PHLDB2: variants seen among roughly 807,000 people sequenced by gnomAD.
PHLDB2 encodes the protein pleckstrin homology like domain family B member 2, also known as pleckstrin homology-like domain family B member 2.
PHLDB2 carries 71 observed loss-of-function variants against 123.6 expected under a neutral mutation model. The observed-to-expected ratio is 0.57, with a 90% confidence interval of 0.47 to 0.70. The LOEUF (loss-of-function observed/expected upper bound fraction) is 0.70. PHLDB2 is among the 30% of genes least tolerant of loss of function. The pLI is 0.00. For missense variants in PHLDB2, 1,446 were observed against 1,519.5 expected (o/e 0.95, Z 0.80); for synonymous variants, 547 against 541.6 (o/e 1.01, Z -0.14).
At chr3:111,829,751 C>T (rs1027994249) in intron 1 of PHLDB2, among the ~76,000 whole-genome samples, 1 of 152,016 alleles carries the variant, frequency 6.6e-6, no homozygotes, top group Non-Finnish European at 1.5e-5. Context: ...CATGAGCCAC[C>T]GCGCCCGACC....
chr3:111,916,346 A>G (rs2068176633), intron 3 of PHLDB2: 1 of 152,168 alleles, frequency 6.6e-6, no homozygotes, highest in African/African-American at 2.4e-5. Flanking sequence ...TTTACTTATT[A>G]CTTTCTGAAG....
chr3:111,923,228 G>A (rs140281282), intron 5 of PHLDB2, among the ~76,000 whole-genome samples: 3 of 152,260 alleles, frequency 2.0e-5, no homozygotes, highest in African/African-American at 7.2e-5. Context: ...AAAGACCTCA[G>A]TGGTGCCCAG....
rs530619387 is a variant in PHLDB2, at chr3:111,755,747, G to A, written c.-49+23044G>A. Among the ~76,000 whole-genome samples, 6 of 134,968 alleles carry A rather than the reference G, an allele frequency of 4.4e-5. No homozygotes were observed. The South Asian group carries it at 1.2e-3, about 27-fold the overall frequency. The allele number at this position is 134,968 out of a possible 152,430, so 88.5% of individuals were successfully genotyped here. A position where few individuals can be genotyped will look rare whatever the true frequency, so the allele number is the denominator to read the frequency against. On this transcript the variant is annotated intron_variant, in intron 1 of 17. Transcript: ENST00000393923. ...TAGTTCTTTTAATTGTGATGTTAGG[G>A]TGTCAATTTTGGATCTTTCCTGCTT...
At chr3:111,928,956 T>C (rs187208025) in intron 5 of PHLDB2, among the ~76,000 whole-genome samples, 2 of 152,304 alleles carry the variant, frequency 1.3e-5, no homozygotes, top group Admixed American at 6.5e-5. Context: ...TGAAATGTGA[T>C]AAATTTATTA....
chr3:111,746,930 T>C (rs184530970), intron 1 of PHLDB2, among the ~76,000 whole-genome samples: 2 of 152,280 alleles, frequency 1.3e-5, no homozygotes, highest in East Asian at 1.9e-4. Flanking sequence ...ATCACCACCA[T>C]ATGATGCTAG....
In PHLDB2 at chr3:111,859,356, G is replaced by A. The variant is rs1189999553; in HGVS notation, c.-235G>A. ...TCCAGCAGCCGTGAAAGCCCCAACA[G>A]CAAACTGCCTGGGAGCGGGGCAGGT... On this transcript the variant is annotated 5_prime_UTR_variant, in exon 1 of 18. Coordinates refer to ENST00000431670, the MANE Select transcript of PHLDB2 (RefSeq NM_001134438.2). 1 of 985,716 alleles carries A rather than the reference G, an allele frequency of 1.0e-6. No homozygotes were observed. The highest frequency in any genetic ancestry group is 1.2e-6 in the Non-Finnish European group (1 of 830,142). 61.1% of individuals were successfully genotyped at this position (985,716 alleles called of 1,614,324 possible).
At chr3:111,959,034 G>A (rs192796082) in intron 12 of PHLDB2, among the ~76,000 whole-genome samples, 1 of 152,372 alleles carries the variant, frequency 6.6e-6, no homozygotes, top group Non-Finnish European at 1.5e-5. Flanking sequence ...TGAGAGTGGA[G>A]GCCTAGGCCA....
intron 1 of PHLDB2, among the ~76,000 whole-genome samples, chr3:111,784,040 G>A (rs897613878): frequency 1.3e-5 from 2 of 152,048 alleles, no homozygotes; most frequent in African/African-American, 4.8e-5. Context: ...CACCCTGCCT[G>A]GTGTCACTGA....
chr3:111,780,411 A>AGGAGGAAGAAG (rs61182634), intron 1 of PHLDB2, among the ~76,000 whole-genome samples: 1 of 130,628 alleles, frequency 7.7e-6, no homozygotes, highest in Non-Finnish European at 1.7e-5. Context: ...AAGAAGAAGA[A>AGGAGGAAGAAG]AAAGATTAGT....
chr3:111,892,269 T>A (rs1389784612), intron 2 of PHLDB2, among the ~76,000 whole-genome samples: 1 of 152,204 alleles, frequency 6.6e-6, no homozygotes, highest in Non-Finnish European at 1.5e-5. Flanking sequence ...GTGAAATGTC[T>A]GGGTCAGCAA....
At chr3:111,893,097 C>CCA (rs1341523022) in intron 2 of PHLDB2, among the ~76,000 whole-genome samples, 1 of 151,812 alleles carries the variant, frequency 6.6e-6, no homozygotes, top group African/African-American at 2.4e-5. Context: ...CCTGACCACC[C>CCA]CCCCAAAATA....
rs145614856 is a variant in PHLDB2, at chr3:111,930,472, A to C, written c.2002-1797A>C. The stretch of plus-strand genomic sequence containing the variant: ...GGTAGAGTTGCTGCAAACTCTGGTG[A>C]TGCAGTACCTAGAAATAGAACTCTT... On this transcript the variant is annotated intron_variant, in intron 5 of 17. Coordinates refer to ENST00000431670, the MANE Select transcript of PHLDB2 (RefSeq NM_001134438.2). Among the ~76,000 whole-genome samples the C allele has an allele frequency of 3.5e-3, 538 of 152,250 alleles. 6 individuals are homozygous for C. The highest frequency in any genetic ancestry group is 0.012 in the African/African-American group (501 of 41,542).
chr3:111,909,565 T>A (rs2067755393), intron 2 of PHLDB2, among the ~76,000 whole-genome samples: 2 of 152,262 alleles, frequency 1.3e-5, no homozygotes, highest in African/African-American at 4.8e-5. Flanking sequence ...ACCACTGTGC[T>A]CCAGCCTGGG....
At chr3:111,835,548 T>C (rs1007881404) in intron 1 of PHLDB2, among the ~76,000 whole-genome samples, 3 of 152,176 alleles carry the variant, frequency 2.0e-5, no homozygotes, top group African/African-American at 4.8e-5. Context: ...CCACTGTCGA[T>C]TGCAGTGTAA....
rs2064682133 is a variant in PHLDB2 at position 111,859,457 on chromosome 3, C to T, written c.-134C>T. ...AGGGGGTCAAGAGTGCCGGACCCAG[C>T]CGCGCGGAGCCCACCATTGCGGCCC... On this transcript the variant is annotated 5_prime_UTR_variant, in exon 1 of 18. Coordinates refer to ENST00000431670, the MANE Select transcript of PHLDB2 (RefSeq NM_001134438.2). The T allele has an allele frequency of 2.0e-6, 2 of 985,542 alleles. No homozygotes were observed. The highest frequency in any genetic ancestry group is 2.4e-6 in the Non-Finnish European group (2 of 829,980). 61.0% of individuals were successfully genotyped at this position (985,542 alleles called of 1,614,324 possible). A position where few individuals can be genotyped will look rare whatever the true frequency, so the allele number is the denominator to read the frequency against.
intron 1 of PHLDB2, among the ~76,000 whole-genome samples, chr3:111,803,848 T>C (rs1433539872): frequency 1.3e-5 from 2 of 152,210 alleles, no homozygotes; most frequent in African/African-American, 2.4e-5. Flanking sequence ...TAACAAAGCG[T>C]AGATTTGTTC....
At chr3:111,743,487 C>G (rs1163536352) in intron 1 of PHLDB2, among the ~76,000 whole-genome samples, 1 of 152,054 alleles carries the variant, frequency 6.6e-6, no homozygotes, top group Non-Finnish European at 1.5e-5. Context: ...TTCATTTTTC[C>G]TGGGAGCAAC....
At chr3:111,839,401 T>C (rs2108540106) in intron 1 of PHLDB2, among the ~76,000 whole-genome samples, 1 of 152,258 alleles carries the variant, frequency 6.6e-6, no homozygotes, top group Non-Finnish European at 1.5e-5. Context: ...AGTTACACAT[T>C]ATTCAACAGT....
chr3:111,829,121 A>G (rs2062810298), intron 1 of PHLDB2, among the ~76,000 whole-genome samples: 1 of 152,230 alleles, frequency 6.6e-6, no homozygotes, highest in African/African-American at 2.4e-5. Flanking sequence ...TCCTATTGAC[A>G]GCATTAATTA....
Sources: gnomAD v4.1 joint callset for allele counts (sites outside exome capture counted in the v4.1 genomes callset) on GRCh38, gnomAD v4.1.1 for gene constraint, MANE v1.5 for transcripts, NCBI Gene and HGNC (gene_info 2026-07-23, HGNC 2026-07-21) for gene names.